CIROP: variants seen among roughly 807,000 people sequenced by gnomAD.
CIROP encodes the protein leishmanolysin homolog.
chr14:23,102,850 T>C, the CIROP span: 2 of 629,776 alleles, frequency 3.2e-6, no homozygotes, highest in East Asian at 5.5e-5. Context: ...GTTCTTTGAC[T>C]TAATGGGAAA....
the CIROP span, chr14:23,103,360 G>T: frequency 2.6e-6 from 1 of 380,558 alleles, no homozygotes; most frequent in Non-Finnish European, 4.7e-6. Flanking sequence ...ACACAGCCTG[G>T]GCAACATGAC....
At chr14:23,099,471 G>A in the CIROP span, 1 of 413,260 alleles carries the variant, frequency 2.4e-6, no homozygotes, top group Non-Finnish European at 4.4e-6. Context: ...AGGGATTATG[G>A]TCTGAAGTAA....
chr14:23,101,343 C>T, the CIROP span: 1 of 536,308 alleles, frequency 1.9e-6, no homozygotes, highest in South Asian at 2.9e-5. Flanking sequence ...CCTCCACCTG[C>T]ACCTTGTAAG....
At chr14:23,103,101 A>G in the CIROP span, 1 of 460,638 alleles carries the variant, frequency 2.2e-6, no homozygotes, top group African/African-American at 2.0e-5. Flanking sequence ...AAAATAGGGT[A>G]GCACAAGTAG....
the CIROP span, chr14:23,099,717 A>G: frequency 6.2e-6 from 2 of 323,636 alleles, no homozygotes; most frequent in East Asian, 1.0e-4. Flanking sequence ...ACGCCGCACC[A>G]CCACGTCTGG....
chr14:23,103,856 G>C, the CIROP span: 1 of 691,170 alleles, frequency 1.4e-6, no homozygotes, highest in Non-Finnish European at 2.7e-6. Flanking sequence ...CAGAGGGGCT[G>C]GAACAGTAGG....
chr14:23,100,744 CAG>C, the CIROP span: 1 of 398,652 alleles, frequency 2.5e-6, no homozygotes, highest in Non-Finnish European at 4.4e-6. Flanking sequence ...TCTCATGAAA[CAG>C]ATGCAGGCTT....
the CIROP span, chr14:23,103,210 G>A: frequency 4.8e-6 from 2 of 419,560 alleles, no homozygotes; most frequent in East Asian, 3.5e-5. Flanking sequence ...TTACCCAAAC[G>A]TTACTAGCAT....
At chr14:23,104,193 C>T in the CIROP span, 2 of 613,030 alleles carry the variant, frequency 3.3e-6, no homozygotes, top group Middle Eastern at 4.2e-4. Flanking sequence ...TGCGTATCCC[C>T]CCACCACCCT....
At chr14:23,100,447 A>AT in the CIROP span, 1 of 413,084 alleles carries the variant, frequency 2.4e-6, no homozygotes, top group Admixed American at 4.4e-5. Context: ...AATAAATTTA[A>AT]TTTCAAACAT....
the CIROP span, chr14:23,099,670 C>T: frequency 2.3e-3 from 858 of 370,126 alleles, 7 homozygotes; most frequent in South Asian, 5.2e-3. Context: ...AGCAATTCTC[C>T]TGCCTCAACC....
At chr14:23,101,739 A>G in the CIROP span, 2 of 702,922 alleles carry the variant, frequency 2.8e-6, no homozygotes, top group Non-Finnish European at 5.2e-6. Flanking sequence ...TCCCTTGTCC[A>G]GGTGCAGGTA....
the CIROP span, chr14:23,101,663 A>G: frequency 3.4e-5 from 24 of 702,510 alleles, no homozygotes; most frequent in Non-Finnish European, 6.2e-5. Flanking sequence ...TCTCTTATCT[A>G]CTCACCCCAT....
the CIROP span, chr14:23,101,607 C>T: frequency 1.4e-6 from 1 of 702,246 alleles, no homozygotes. Context: ...GTTCTGATGC[C>T]TTTGAAGTTG....
At chr14:23,104,705 A>G in the CIROP span, 1 of 702,798 alleles carries the variant, frequency 1.4e-6, no homozygotes, top group African/African-American at 1.7e-5. Context: ...CATCTGATAT[A>G]TGATCTCCTA....
chr14:23,102,976 A>G, the CIROP span: 1 of 589,062 alleles, frequency 1.7e-6, no homozygotes, highest in Admixed American at 3.1e-5. Flanking sequence ...TGTTGGGCAC[A>G]GTAGACAATG....
chr14:23,101,284 G>A, the CIROP span: 1 of 486,244 alleles, frequency 2.1e-6, no homozygotes, highest in Admixed American at 3.7e-5. Flanking sequence ...TACTCTTATG[G>A]TACCCACCTG....
chr14:23,103,667 A>T, the CIROP span: 1 of 701,704 alleles, frequency 1.4e-6, no homozygotes, highest in South Asian at 1.5e-5. Context: ...ATTTGATTTG[A>T]ACTTCACCTC....
chr14:23,099,545 A>C, the CIROP span: 39 of 407,598 alleles, frequency 9.6e-5, no homozygotes, highest in Admixed American at 2.8e-4. Context: ...TTAGTAGATA[A>C]AGCGGCATTA....
Sources: gnomAD v4.1 joint callset for allele counts on GRCh38, gnomAD v4.1.1 for gene constraint, MANE v1.5 for transcripts, NCBI Gene and HGNC (gene_info 2026-07-23, HGNC 2026-07-21) for gene names.